The following RPS6KC1 variants were observed in gnomAD, a reference collection of about 807,000 sequenced individuals.
RPS6KC1 encodes the protein ribosomal protein S6 kinase C1.
A neutral mutation model predicts 103.8 loss-of-function variants in RPS6KC1; 54 were observed. The observed-to-expected ratio is 0.52, with a 90% CI of 0.42 to 0.65. The LOEUF (loss-of-function observed/expected upper bound fraction) is 0.65. Ranked by LOEUF, RPS6KC1 falls within the 30% of genes least tolerant of loss-of-function variation. The probability of loss-of-function intolerance (pLI) is 0.00; values close to 1 mark genes in which losing one functional copy is unlikely to be tolerated. For synonymous variants in RPS6KC1, 439 were observed against 438.7 expected (o/e 1.00, Z -0.01); for missense variants, 1,151 against 1,253.8 (o/e 0.92, Z 1.24).
chr1:213,660,022 T>G, the RPS6KC1 span, among the ~76,000 whole-genome samples: 1 of 152,138 alleles, frequency 6.6e-6, no homozygotes, highest in East Asian at 1.9e-4. Context: ...GAGCCGGGTG[T>G]GTGTCTTGGC....
At chr1:213,468,359 C>G in the RPS6KC1 span, among the ~76,000 whole-genome samples, 4 of 152,330 alleles carry the variant, frequency 2.6e-5, no homozygotes, top group East Asian at 7.7e-4. Context: ...ACTTCATGCT[C>G]CTGCAGCTAA....
At chr1:213,256,057 T>A (rs56030279) in intron 12 of RPS6KC1, among the ~76,000 whole-genome samples, 29 of 141,176 alleles carry the variant, frequency 2.1e-4, no homozygotes, top group African/African-American at 8.6e-4. Flanking sequence ...GAAAAACCAA[T>A]TTACCTTTTT....
At chr1:213,211,811 A>G (rs2093514590) in intron 8 of RPS6KC1, among the ~76,000 whole-genome samples, 1 of 152,218 alleles carries the variant, frequency 6.6e-6, no homozygotes, top group African/African-American at 2.4e-5. Flanking sequence ...TGGATTTTGC[A>G]TCACTTTAGT....
chr1:213,426,489 A>G, the RPS6KC1 span, among the ~76,000 whole-genome samples: 1 of 152,194 alleles, frequency 6.6e-6, no homozygotes. Context: ...TAGCTCAGCC[A>G]TTATTTGTAT....
At chr1:213,376,268 A>G in the RPS6KC1 span, among the ~76,000 whole-genome samples, 1 of 152,186 alleles carries the variant, frequency 6.6e-6, no homozygotes, top group Non-Finnish European at 1.5e-5. Context: ...GTTTTTAACT[A>G]AATGTTATGT....
the RPS6KC1 span, among the ~76,000 whole-genome samples, chr1:213,423,755 A>AG: frequency 1.5e-5 from 1 of 66,698 alleles, no homozygotes; most frequent in South Asian, 4.6e-4. Context: ...GGAGCCTTGG[A>AG]GGGGGAGCGG....
chr1:213,809,039 G>A, the RPS6KC1 span, among the ~76,000 whole-genome samples: 3 of 152,212 alleles, frequency 2.0e-5, no homozygotes, highest in Admixed American at 1.3e-4. Context: ...TGGTGCAAGA[G>A]ACTTAGCTTT....
At chr1:213,761,121 A>G in the RPS6KC1 span, among the ~76,000 whole-genome samples, 22 of 152,052 alleles carry the variant, frequency 1.4e-4, no homozygotes, top group African/African-American at 5.3e-4. Context: ...CCAAGGGGCC[A>G]GGGTTGAGCT....
intron 8 of RPS6KC1, among the ~76,000 whole-genome samples, chr1:213,203,629 C>T (rs2148599783): frequency 6.6e-6 from 1 of 151,902 alleles, no homozygotes; most frequent in East Asian, 1.9e-4. Context: ...GGGGTATTTT[C>T]CTTCAAGACA....
At chr1:213,262,613 C>T in intron 13 of RPS6KC1, 108 bp from the exon 14 acceptor site, 1 of 757,946 alleles carries the variant, frequency 1.3e-6, no homozygotes. Context: ...ACTACACTTC[C>T]AGTTAAAATG....
At chr1:213,344,812 G>A in the RPS6KC1 span, among the ~76,000 whole-genome samples, 1 of 152,210 alleles carries the variant, frequency 6.6e-6, no homozygotes, top group African/African-American at 2.4e-5. Context: ...TGGGATTACA[G>A]GCATGAGCCA....
At chr1:213,097,614 C>T (rs1334591779) in intron 3 of RPS6KC1, among the ~76,000 whole-genome samples, 2 of 152,186 alleles carry the variant, frequency 1.3e-5, no homozygotes, top group Admixed American at 6.5e-5. Flanking sequence ...AGTGTGGAAA[C>T]CAAGCATGAC....
the RPS6KC1 span, among the ~76,000 whole-genome samples, chr1:213,282,207 A>C: frequency 6.6e-6 from 1 of 152,230 alleles, no homozygotes; most frequent in Non-Finnish European, 1.5e-5. Context: ...GGTTTCAACC[A>C]AGGAGCCCAC....
the RPS6KC1 span, among the ~76,000 whole-genome samples, chr1:213,508,404 A>G: frequency 6.6e-6 from 1 of 152,244 alleles, no homozygotes; most frequent in Non-Finnish European, 1.5e-5. Context: ...CAGAAAGAGC[A>G]TCTTGAACCT....
intron 8 of RPS6KC1, among the ~76,000 whole-genome samples, chr1:213,189,594 A>T (rs1339895813): frequency 6.6e-6 from 1 of 152,148 alleles, no homozygotes; most frequent in East Asian, 1.9e-4. Context: ...AATGTGTAAT[A>T]ATCATATCAA....
At chr1:213,823,183 C>T in the RPS6KC1 span, among the ~76,000 whole-genome samples, 2 of 152,194 alleles carry the variant, frequency 1.3e-5, no homozygotes, top group African/African-American at 2.4e-5. Context: ...CCTGGAAAAG[C>T]TTTCATAGAC....
the RPS6KC1 span, among the ~76,000 whole-genome samples, chr1:213,776,777 C>T: frequency 3.3e-5 from 5 of 152,344 alleles, no homozygotes; most frequent in South Asian, 1.0e-3. Context: ...AAAGCATTCT[C>T]TTCCAATAGA....
Position 213,241,474 on chromosome 1 carries a change from C to T in RPS6KC1, c.1998C>T (p.Asp666=). The T allele has an allele frequency of 1.9e-6, 3 of 1,613,894 alleles. No homozygotes were observed. Among genetic ancestry groups the T allele is most frequent in the Non-Finnish European group, 2.5e-6 (3 of 1,179,892 alleles). The change falls in exon 11 of 15, where the codon GAC becomes GAT. Residue 666 remains aspartate (D), a synonymous_variant. Transcript: ENST00000366960. ...AQDTISRGSD[D]SVPVISFKDA... ...ACACCATTAGCAGGGGCTCAGATGA[C>T]TCAGTGCCAGTTATTTCATTTAAAG... is the stretch of plus-strand genomic sequence containing the variant.
At chr1:213,147,595 A>G (rs922150194) in intron 6 of RPS6KC1, among the ~76,000 whole-genome samples, 3 of 152,140 alleles carry the variant, frequency 2.0e-5, no homozygotes, top group Admixed American at 1.3e-4. Flanking sequence ...TTTGGTTACA[A>G]TGGCTCTGTA....
Sources: allele counts gnomAD v4.1 joint callset (sites outside exome capture counted in the v4.1 genomes callset), GRCh38; gene constraint gnomAD v4.1.1; transcripts MANE v1.5; gene names NCBI Gene and HGNC (gene_info 2026-07-23, HGNC 2026-07-21).